Variants in MAP6 observed in about 807,000 individuals in gnomAD.
MAP6 encodes microtubule associated protein 6.
Under a neutral mutation model 42.4 loss-of-function variants are expected in MAP6, and 26 were observed. The observed-to-expected ratio is 0.61, with a 90% CI of 0.45 to 0.85. The LOEUF (loss-of-function observed/expected upper bound fraction) is 0.85. MAP6 is among the 40% of genes least tolerant of loss of function. The pLI, the probability that MAP6 is intolerant of heterozygous loss-of-function variation, is 0.00. For missense variants in MAP6, 966 were observed against 1,099.0 expected (o/e 0.88, Z 1.71); for synonymous variants, 418 against 443.8 (o/e 0.94, Z 0.73).
chr11:75,594,024 G>A (rs1353233858), intron 3 of MAP6: 1 of 152,220 alleles, frequency 6.6e-6, no homozygotes, highest in Admixed American at 6.5e-5. Flanking sequence ...CATGGCCCCT[G>A]GAATACAAGT....
chr11:75,619,356 CT>C (rs1272359245), intron 1 of MAP6, among the ~76,000 whole-genome samples: 1 of 151,992 alleles, frequency 6.6e-6, no homozygotes, highest in African/African-American at 2.4e-5. Context: ...CTGTACATAT[CT>C]TTTTTATTTG....
chr11:75,653,486 G>A (rs917701193), intron 1 of MAP6, among the ~76,000 whole-genome samples: 9 of 152,174 alleles, frequency 5.9e-5, no homozygotes, highest in Non-Finnish European at 1.0e-4. Flanking sequence ...GCACTTAGAT[G>A]CCACCCAAAT....
intron 1 of MAP6, 27 bp from the exon 2 acceptor site, chr11:75,608,349 T>C (rs1942821637): frequency 6.3e-7 from 1 of 1,583,440 alleles, no homozygotes; most frequent in South Asian, 1.1e-5. Context: ...GCATATGTGA[T>C]ATGAAGCATC....
chr11:75,591,342 T>C (rs1168139068), intron 3 of MAP6, among the ~76,000 whole-genome samples: 1 of 152,214 alleles, frequency 6.6e-6, no homozygotes, highest in African/African-American at 2.4e-5. Flanking sequence ...TATTAAGCAT[T>C]CATCTTTAAA....
rs75909485 is a variant in MAP6 at position 75,617,802 on chromosome 11, G to A, written c.906-9480C>T. On this transcript the variant is annotated intron_variant, in intron 1 of 3. Coordinates refer to ENST00000304771, the MANE Select transcript of MAP6 (RefSeq NM_033063.2). ...ATAACCATTTCCCCGTCACTGTCAG[G>A]GTTTACCAGTCCTAGGAATGCTGGG... Among the ~76,000 whole-genome samples the A allele has an allele frequency of 4.7e-3, 717 of 152,208 alleles. 5 individuals carry two copies. The highest frequency in any genetic ancestry group is 0.016 in the African/African-American group (676 of 41,524).
intron 1 of MAP6, among the ~76,000 whole-genome samples, chr11:75,620,660 A>T (rs1401773741): frequency 6.6e-6 from 1 of 152,168 alleles, no homozygotes; most frequent in East Asian, 1.9e-4. Flanking sequence ...GGAAACTCTT[A>T]AAAAAATATT....
In MAP6 at chr11:75,629,578, G is replaced by T. The variant is rs79333031; in HGVS notation, c.906-21256C>A. Among the ~76,000 whole-genome samples the T allele has an allele frequency of 4.5e-3, 682 of 152,258 alleles. 1 individual carries two copies. Among genetic ancestry groups the T allele is most frequent in the Middle Eastern group, 0.01 (3 of 294 alleles). The stretch of plus-strand genomic sequence containing the variant: ...AAAGGGCAAAAGACTTTGCTCAAAA[G>T]ACTGACTTTATATTCTTATATTCTT... On this transcript the variant is annotated intron_variant, in intron 1 of 3. Transcript: ENST00000304771.
intron 1 of MAP6, among the ~76,000 whole-genome samples, chr11:75,662,825 C>G (rs1380228766): frequency 6.6e-6 from 1 of 152,204 alleles, no homozygotes; most frequent in African/African-American, 2.4e-5. Context: ...TTTGAAAGTT[C>G]TCCACTGATT....
intron 1 of MAP6, among the ~76,000 whole-genome samples, chr11:75,626,050 A>G (rs1943188490): frequency 1.3e-5 from 2 of 152,102 alleles, no homozygotes; most frequent in African/African-American, 4.8e-5. Flanking sequence ...CCTCACACGT[A>G]TCACCTCTGT....
Position 75,668,122 on chromosome 11 carries a change from G to A in MAP6, c.248C>T (p.Thr83Met). 2 of 1,150,982 alleles carry A rather than the reference G, an allele frequency of 1.7e-6. No individual in the cohort carries two copies. The highest frequency in any genetic ancestry group is 1.1e-6 in the Non-Finnish European group (1 of 936,616). 71.3% of individuals were successfully genotyped at this position (1,150,982 alleles called of 1,614,324 possible). The change falls in exon 1 of 4, where the codon ACG (threonine) becomes ATG (methionine). Residue 83 changes from threonine (T) to methionine (M), a missense_variant. Around this residue, in one of 2 missense-constraint regions of MAP6, gnomAD observed 943 missense variants for 1,049.9 expected, o/e 0.90. Transcript: ENST00000304771. ...QGELDAVARA[T>M]GPAPGPTGER... ...GCCGGTAGGCCCAGGCGCTGGCCCC[G>A]TTGCCCGGGCAACTGCATCCAACTC...
chr11:75,610,068 C>T (rs1233274544), intron 1 of MAP6, among the ~76,000 whole-genome samples: 1 of 152,066 alleles, frequency 6.6e-6, no homozygotes, highest in Non-Finnish European at 1.5e-5. Flanking sequence ...CATACTTGGC[C>T]CCCTCGCCAT....
At chr11:75,635,020 C>T (rs1327603396) in intron 1 of MAP6, among the ~76,000 whole-genome samples, 1 of 152,120 alleles carries the variant, frequency 6.6e-6, no homozygotes, top group African/African-American at 2.4e-5. Flanking sequence ...GTTGTTCTGT[C>T]AGAGATTTGA....
rs757624338 is a variant in MAP6, at chr11:75,605,865, T to C, written c.1259A>G (p.Lys420Arg). The change falls in exon 3 of 4, where the codon AAG becomes AGG. Residue 420 changes from lysine (K) to arginine (R), a missense_variant. Lys to Arg is a conservative substitution (Grantham distance 26). Around this residue, in one of 2 missense-constraint regions of MAP6, gnomAD observed 943 missense variants for 1,049.9 expected, o/e 0.90. Coordinates refer to ENST00000304771, the MANE Select transcript of MAP6 (RefSeq NM_033063.2). ...KKSAEGPSTTKPDDKEQSKEM... is the reference protein window; with the variant it reads ...KKSAEGPSTTRPDDKEQSKEM... The stretch of plus-strand genomic sequence containing the variant: ...TTTGCTTTGCTCCTTGTCGTCTGGC[T>C]TGGTGGTACTCGGGCCCTCCGCGCT... The C allele has an allele frequency of 1.2e-6, 2 of 1,614,106 alleles. No homozygotes were observed. Among genetic ancestry groups the C allele is most frequent in the Non-Finnish European group, 1.7e-6 (2 of 1,180,058 alleles).
chr11:75,599,543 G>GGA (rs1942633279), intron 3 of MAP6, among the ~76,000 whole-genome samples: 1 of 152,220 alleles, frequency 6.6e-6, no homozygotes, highest in African/African-American at 2.4e-5. Context: ...AGTATAGCCA[G>GGA]GACGTCTGAG....
At chr11:75,643,660 C>G (rs946926358) in intron 1 of MAP6, among the ~76,000 whole-genome samples, 7 of 152,204 alleles carry the variant, frequency 4.6e-5, no homozygotes, top group Admixed American at 3.9e-4. Context: ...ATATTGAACA[C>G]AGTGATAAGA....
At chr11:75,652,476 C>T (rs1338570788) in intron 1 of MAP6, among the ~76,000 whole-genome samples, 1 of 152,138 alleles carries the variant, frequency 6.6e-6, no homozygotes, top group African/African-American at 2.4e-5. Context: ...GCTCAGATGC[C>T]ATCCTCATTT....
intron 1 of MAP6, among the ~76,000 whole-genome samples, chr11:75,651,134 A>G (rs1326037473): frequency 2.0e-5 from 3 of 152,172 alleles, no homozygotes; most frequent in African/African-American, 4.8e-5. Context: ...ATGACTTCAT[A>G]GTCATATCCC....
chr11:75,631,538 C>T (rs1377582971), intron 1 of MAP6, among the ~76,000 whole-genome samples: 1 of 152,158 alleles, frequency 6.6e-6, no homozygotes, highest in Non-Finnish European at 1.5e-5. Context: ...TGCACTTGCA[C>T]AGCTACAGTG....
chr11:75,614,674 T>C (rs966953453), intron 1 of MAP6, among the ~76,000 whole-genome samples: 8 of 152,242 alleles, frequency 5.3e-5, no homozygotes, highest in Admixed American at 5.2e-4. Context: ...ACCATCCAGC[T>C]AAGCCATTCC....
Sources: gnomAD v4.1 joint callset for allele counts (sites outside exome capture counted in the v4.1 genomes callset) on GRCh38, gnomAD v4.1.1 for gene constraint, gnomAD v4.1.1 regional missense constraint, MANE v1.5 for transcripts, NCBI Gene and HGNC (gene_info 2026-07-23, HGNC 2026-07-21) for gene names.